The following DGKG variants were observed in gnomAD, a reference collection of about 807,000 sequenced individuals.
DGKG encodes diacylglycerol kinase gamma, also known as DAG kinase gamma.
In DGKG, 78 loss-of-function variants were observed where a neutral mutation model predicts 105.3. The observed-to-expected ratio is 0.74, with a 90% confidence interval of 0.62 to 0.89. The LOEUF is 0.89. Among genes scored for constraint, DGKG ranks in the 40% least tolerant of loss-of-function variants. DGKG has a pLI of 0.00. For synonymous variants in DGKG, 346 were observed against 367.1 expected (o/e 0.94, Z 0.66); for missense variants, 958 against 1,020.1 (o/e 0.94, Z 0.83).
At chr3:186,297,068 T>TCACACACACA (rs55826465) in intron 5 of DGKG, among the ~76,000 whole-genome samples, 3,052 of 130,436 alleles carry the variant, frequency 0.023, 45 homozygotes, top group Middle Eastern at 0.045. Flanking sequence ...TCTGTCTCTC[T>TCACACACACA]CACACACACA....
intron 6 of DGKG, among the ~76,000 whole-genome samples, chr3:186,285,077 T>G (rs971441029): frequency 9.2e-5 from 14 of 152,186 alleles, no homozygotes; most frequent in African/African-American, 3.4e-4. Flanking sequence ...GCATAGAAAG[T>G]GTAGAGTTAG....
At chr3:186,245,295 A>C (rs1163806232) in intron 19 of DGKG, among the ~76,000 whole-genome samples, 1 of 152,212 alleles carries the variant, frequency 6.6e-6, no homozygotes, top group Non-Finnish European at 1.5e-5. Flanking sequence ...GCAAATACAC[A>C]AAGTAGCAAG....
intron 20 of DGKG, among the ~76,000 whole-genome samples, chr3:186,232,583 G>T (rs1345660081): frequency 6.6e-6 from 1 of 152,146 alleles, no homozygotes; most frequent in South Asian, 2.1e-4. Flanking sequence ...GTTTCTCCAT[G>T]ATGGGAATAT....
intron 21 of DGKG, among the ~76,000 whole-genome samples, chr3:186,204,053 T>C (rs995970882): frequency 6.6e-6 from 1 of 152,188 alleles, no homozygotes; most frequent in Non-Finnish European, 1.5e-5. Flanking sequence ...CTGCACATAC[T>C]GGTTTGGGTG....
At chr3:186,247,800 T>C (rs1721014818) in intron 19 of DGKG, among the ~76,000 whole-genome samples, 1 of 152,176 alleles carries the variant, frequency 6.6e-6, no homozygotes, top group Admixed American at 6.5e-5. Context: ...TGAAAAAAAT[T>C]ACAAGAAAGA....
intron 20 of DGKG, among the ~76,000 whole-genome samples, chr3:186,230,869 A>T (rs1019124190): frequency 6.6e-6 from 1 of 152,170 alleles, no homozygotes; most frequent in African/African-American, 2.4e-5. Flanking sequence ...GGTGGGTGCA[A>T]TGAGTACACT....
At chr3:186,161,233 A>C in intron 24 of DGKG, 1 of 1,020,492 alleles carries the variant, frequency 9.8e-7, no homozygotes, top group Non-Finnish European at 1.2e-6. Flanking sequence ...TGACTTGTTC[A>C]TCAGCAGAAC....
chr3:186,223,260 T>C (rs1172525042), intron 20 of DGKG, among the ~76,000 whole-genome samples: 1 of 150,904 alleles, frequency 6.6e-6, no homozygotes, highest in Non-Finnish European at 1.5e-5. Context: ...TGGGCTGGAG[T>C]TCTACTTAGG....
intron 1 of DGKG, among the ~76,000 whole-genome samples, chr3:186,345,550 T>C (rs1726288974): frequency 6.6e-6 from 1 of 152,314 alleles, no homozygotes; most frequent in East Asian, 1.9e-4. Flanking sequence ...TCTGTAACTA[T>C]TGTCTTCTAA....
chr3:186,172,149 C>T (rs1014905139), intron 22 of DGKG, among the ~76,000 whole-genome samples: 9 of 152,148 alleles, frequency 5.9e-5, no homozygotes, highest in East Asian at 3.9e-4. Flanking sequence ...GCCCAGTGCC[C>T]GCTTGCTTTT....
chr3:186,179,457 G>C (rs895902703), intron 22 of DGKG, among the ~76,000 whole-genome samples: 1 of 152,130 alleles, frequency 6.6e-6, no homozygotes, highest in Non-Finnish European at 1.5e-5. Context: ...TTTGGCTAAG[G>C]GCAAGCCACT....
At chr3:186,308,867 C>A (rs567440762) in intron 2 of DGKG, among the ~76,000 whole-genome samples, 1 of 152,268 alleles carries the variant, frequency 6.6e-6, no homozygotes, top group East Asian at 1.9e-4. Context: ...TTACTGGAGA[C>A]CTTCACCTGC....
intron 20 of DGKG, among the ~76,000 whole-genome samples, chr3:186,222,613 C>T (rs905751334): frequency 2.6e-5 from 4 of 152,214 alleles, no homozygotes; most frequent in Non-Finnish European, 4.4e-5. Context: ...GAGACTGAGG[C>T]GGGCGGATCA....
At chr3:186,338,920 C>A (rs1212796423) in intron 1 of DGKG, among the ~76,000 whole-genome samples, 1 of 152,122 alleles carries the variant, frequency 6.6e-6, no homozygotes, top group Non-Finnish European at 1.5e-5. Context: ...ATAGGATAAA[C>A]AATATGTATT....
At chr3:186,212,345 G>A (rs1167760035) in intron 20 of DGKG, among the ~76,000 whole-genome samples, 3 of 152,172 alleles carry the variant, frequency 2.0e-5, no homozygotes, top group Non-Finnish European at 4.4e-5. Flanking sequence ...GACAGAGGAG[G>A]GATAGCCCCA....
rs117269811 is a variant in DGKG, at chr3:186,147,999, C to A, written c.*2091G>T. 2.2e-4 allele frequency: 213 copies of A among 985,462 alleles called. 2 individuals carry two copies. The East Asian group carries it at 0.019, about 88-fold the overall frequency. 61.0% of individuals were successfully genotyped at this position (985,462 alleles called of 1,614,324 possible). On this transcript the variant is annotated 3_prime_UTR_variant, in exon 25 of 25. Transcript: ENST00000265022. ...AAGATCTTGCTCCTAGGTGGTCCTT[C>A]ACAGTTAAGTGCCATTTGTACACAC...
intron 21 of DGKG, among the ~76,000 whole-genome samples, chr3:186,205,959 G>A (rs914037830): frequency 1.7e-4 from 26 of 152,030 alleles, no homozygotes; most frequent in Non-Finnish European, 3.7e-4. Context: ...AAAATATACT[G>A]GATAACCAGA....
chr3:186,221,321 T>G (rs144329636), intron 20 of DGKG, among the ~76,000 whole-genome samples: 243 of 152,054 alleles, frequency 1.6e-3, no homozygotes, highest in Admixed American at 3.0e-3. Flanking sequence ...CAAGAGAAAA[T>G]AGCTCCTTTC....
At position 186,306,973 on chromosome 3, in the gene DGKG, G is replaced by T; in HGVS notation, c.72C>A (p.Ser24=). ...FDQLQKYSEY[S]SKKIKDALTE... Reference sequence around the variant, plus strand: ...TCAAGGCATCTTTTATCTTCTTGGAGGAATCTGAAGAGACACAATTCACAT... The same window carrying T: ...TCAAGGCATCTTTTATCTTCTTGGATGAATCTGAAGAGACACAATTCACAT... Residue 24 remains serine, a synonymous_variant, in exon 3 of 25, where the codon TCC becomes TCA. Transcript: ENST00000265022. 2 of 1,610,266 alleles carry T rather than the reference G, an allele frequency of 1.2e-6. No homozygotes were observed. Among genetic ancestry groups the T allele is most frequent in the Non-Finnish European group, 8.5e-7 (1 of 1,176,568 alleles).
Sources: gnomAD v4.1 joint callset for allele counts (sites outside exome capture counted in the v4.1 genomes callset) on GRCh38, gnomAD v4.1.1 for gene constraint, MANE v1.5 for transcripts, NCBI Gene and HGNC (gene_info 2026-07-23, HGNC 2026-07-21) for gene names.